Variants in SCN2A observed in about 807,000 individuals in gnomAD.
SCN2A encodes sodium voltage-gated channel alpha subunit 2, also known as sodium channel protein type 2 subunit alpha.
SCN2A carries 20 observed loss-of-function variants against 188.7 expected under a neutral mutation model. That is an observed-to-expected ratio of 0.11 (90% confidence interval 0.07 to 0.15). SCN2A has a LOEUF of 0.15. Ranked by LOEUF, SCN2A falls within the 10% of genes least tolerant of loss-of-function variation. SCN2A has a pLI of 1.00. For missense variants in SCN2A, 1,278 were observed against 2,445.0 expected (o/e 0.52, Z 10.07); for synonymous variants, 804 against 833.1 (o/e 0.97, Z 0.60).
chr2:165,317,157 A>G (rs1157663940), intron 11 of SCN2A, among the ~76,000 whole-genome samples: 1 of 152,106 alleles, frequency 6.6e-6, no homozygotes, highest in Non-Finnish European at 1.5e-5. Flanking sequence ...TCCAAATAAC[A>G]TCATAAGATT....
chr2:165,324,699 ATAGT>A (rs985125377), intron 12 of SCN2A, among the ~76,000 whole-genome samples: 2 of 152,198 alleles, frequency 1.3e-5, no homozygotes, highest in Non-Finnish European at 2.9e-5. Context: ...ACCCTTTTTG[ATAGT>A]TAGTAACATT....
chr2:165,380,513 A>G, intron 23 of SCN2A, 79 bp from the exon 24 acceptor site: 2 of 1,021,592 alleles, frequency 2.0e-6, no homozygotes, highest in Non-Finnish European at 3.0e-6. Flanking sequence ...AAACATGCTT[A>G]GATAATTAAA....
Position 165,354,532 on chromosome 2 carries a change from T to C in SCN2A, c.3260T>C (p.Val1087Ala), listed in dbSNP as rs1457881200. Residue 1087 changes from valine to alanine, a missense_variant, in exon 17 of 27, where the codon GTG (valine) becomes GCG (alanine). Around this residue, in one of 17 missense-constraint regions of SCN2A, gnomAD observed 228 missense variants for 297.3 expected, o/e 0.77. Coordinates refer to ENST00000375437, the MANE Select transcript of SCN2A (RefSeq NM_001040142.2). Reference sequence around the variant, plus strand: ...GGCAGCAGTGTAGAAAAATATGTCGTGGATGAAAGTGATTACATGTCATTT... The same window carrying C: ...GGCAGCAGTGTAGAAAAATATGTCGCGGATGAAAGTGATTACATGTCATTT... ...GIGSSVEKYVVDESDYMSFIN... is the reference protein window; with the variant it reads ...GIGSSVEKYVADESDYMSFIN... 20 of 1,614,114 alleles carry C rather than the reference T, an allele frequency of 1.2e-5. No homozygotes were observed. Among genetic ancestry groups the C allele is most frequent in the East Asian group, 2.2e-5 (1 of 44,862 alleles).
In SCN2A at chr2:165,323,507, C is replaced by T. The variant is rs1414061847; in HGVS notation, c.2016+7C>T. On this transcript the variant is annotated splice_region_variant and intron_variant, in intron 12 of 26. Coordinates refer to ENST00000375437, the MANE Select transcript of SCN2A (RefSeq NM_001040142.2). ...TGGGCAGCTCCTACCAGAGGTGAGG[C>T]CAATTAAAATTGCAGCTGATGTGAA... 2 of 1,606,702 alleles carry T rather than the reference C, an allele frequency of 1.2e-6. No homozygotes were observed. The highest frequency in any genetic ancestry group is 8.5e-7 in the Non-Finnish European group (1 of 1,176,174).
Position 165,390,231 on chromosome 2 carries a change from G to T in SCN2A, c.*407G>T. 2 of 196,618 alleles carry T rather than the reference G, an allele frequency of 1.0e-5. No individual in the cohort carries two copies. Among genetic ancestry groups the T allele is most frequent in the Non-Finnish European group, 1.1e-5 (1 of 94,704 alleles). 12.2% of individuals were successfully genotyped at this position (196,618 alleles called of 1,614,324 possible). ...CATATTTTTACAAAACGTGTGCTGT[G>T]AATTTATCACTTTTCTTTTTAATTC... On this transcript the variant is annotated 3_prime_UTR_variant, in exon 27 of 27. Transcript: ENST00000375437.
intron 1 of SCN2A, among the ~76,000 whole-genome samples, chr2:165,257,625 G>A (rs2106080059): frequency 6.6e-6 from 1 of 152,060 alleles, no homozygotes; most frequent in South Asian, 2.1e-4. Context: ...TGCAAGCTCC[G>A]CCTTCCGGGT....
intron 1 of SCN2A, among the ~76,000 whole-genome samples, chr2:165,263,447 G>T (rs182133999): frequency 6.6e-6 from 1 of 152,072 alleles, no homozygotes; most frequent in African/African-American, 2.4e-5. Flanking sequence ...TCCTACATGT[G>T]GTTTGCCAAT....
Position 165,389,785 on chromosome 2 carries a change from G to A in SCN2A, c.5979G>A (p.Lys1993=), listed in dbSNP as rs1435294797. Residue 1993 remains lysine, a synonymous_variant, in exon 27 of 27, where the codon AAG becomes AAA. Coordinates refer to ENST00000375437, the MANE Select transcript of SCN2A (RefSeq NM_001040142.2). This position sits in a 1 kb window ranked among gnomAD's most constrained non-coding sequence, Gnocchi z 4.2. ...KEKFEKDKSE[K]EDKGKDIRES... The stretch of plus-strand genomic sequence containing the variant: ...AATTTGAAAAAGACAAATCAGAAAA[G>A]GAAGACAAAGGGAAAGATATCAGGG... 6.2e-7 allele frequency: 1 copy of A among 1,612,400 alleles called. No individual in the cohort carries two copies.
intron 1 of SCN2A, among the ~76,000 whole-genome samples, chr2:165,264,032 G>T (rs955923368): frequency 1.3e-5 from 2 of 152,000 alleles, no homozygotes; most frequent in African/African-American, 4.8e-5. Flanking sequence ...CCAGTTGCAG[G>T]AGCTTTTTGA....
chr2:165,290,233 C>T lies in SCN2A; in HGVS notation c.-51-5540C>T, dbSNP rs537288258. On this transcript the variant is annotated intron_variant, in intron 1 of 26. Coordinates refer to ENST00000375437, the MANE Select transcript of SCN2A (RefSeq NM_001040142.2). ...CTTTGTATTGGGAACATTCAATATC[C>T]TCCTCCTACCTATTTGAAGTTCTAT... Among the ~76,000 whole-genome samples the T allele has an allele frequency of 2.6e-5, 4 of 152,196 alleles. No homozygotes were observed. The East Asian group carries it at 7.7e-4, about 29-fold the overall frequency.
chr2:165,311,245 G>A (rs1288628033), intron 7 of SCN2A, among the ~76,000 whole-genome samples: 1 of 151,850 alleles, frequency 6.6e-6, no homozygotes, highest in Non-Finnish European at 1.5e-5. Context: ...ATTGAGCCCA[G>A]CCCCTCTGTC....
At chr2:165,319,954 A>C (rs1485248564) in intron 11 of SCN2A, among the ~76,000 whole-genome samples, 1 of 152,106 alleles carries the variant, frequency 6.6e-6, no homozygotes, top group Non-Finnish European at 1.5e-5. Context: ...CAGTCCCCCA[A>C]AGTCTTAACT....
At chr2:165,291,800 C>T (rs537024481) in intron 1 of SCN2A, among the ~76,000 whole-genome samples, 1 of 151,800 alleles carries the variant, frequency 6.6e-6, no homozygotes, top group East Asian at 2.0e-4. Context: ...ACCCTGACTA[C>T]TCATAGGTTT....
intron 1 of SCN2A, chr2:165,267,165 A>G (rs879125019): frequency 1.3e-5 from 2 of 152,076 alleles, no homozygotes; most frequent in Non-Finnish European, 2.9e-5. Flanking sequence ...TTCATATGGA[A>G]TCACAAGTTA....
chr2:165,331,178 A>G (rs778890350), intron 13 of SCN2A, 152 bp from the exon 14 acceptor site: 2 of 684,488 alleles, frequency 2.9e-6, no homozygotes, highest in Non-Finnish European at 5.2e-6. Flanking sequence ...ATGACAGCAA[A>G]CCCATTGTAA....
At chr2:165,375,153 A>G (rs547328262) in intron 22 of SCN2A, among the ~76,000 whole-genome samples, 187 bp downstream of exon 22, 1 of 152,196 alleles carries the variant, frequency 6.6e-6, no homozygotes, top group Non-Finnish European at 1.5e-5. Flanking sequence ...AAATTAGTAT[A>G]GCTTTTATGG....
chr2:165,250,367 G>A (rs953343264), intron 1 of SCN2A, among the ~76,000 whole-genome samples: 3 of 151,820 alleles, frequency 2.0e-5, no homozygotes, highest in Non-Finnish European at 2.9e-5. Context: ...TTTAAATTTA[G>A]TGTTTGTTTG....
intron 16 of SCN2A, among the ~76,000 whole-genome samples, chr2:165,350,341 T>G (rs1421788429): frequency 6.6e-6 from 1 of 152,082 alleles, no homozygotes; most frequent in Non-Finnish European, 1.5e-5. Context: ...ATGGTAACAT[T>G]TCCATTCCAA....
chr2:165,317,727 A>G (rs1156858323), intron 11 of SCN2A, among the ~76,000 whole-genome samples: 1 of 152,116 alleles, frequency 6.6e-6, no homozygotes, highest in Non-Finnish European at 1.5e-5. Flanking sequence ...TCCATTTCCC[A>G]GCTAGTTGGG....
Sources: gnomAD v4.1 joint callset for allele counts (sites outside exome capture counted in the v4.1 genomes callset) on GRCh38, gnomAD v4.1.1 for gene constraint, gnomAD v4.1.1 regional missense constraint, Gnocchi (gnomAD v3.1) non-coding constraint, MANE v1.5 for transcripts, NCBI Gene and HGNC (gene_info 2026-07-23, HGNC 2026-07-21) for gene names.